CNTNAP5: variants seen among roughly 807,000 people sequenced by gnomAD.
The protein encoded by CNTNAP5 is contactin-associated protein-like 5.
In CNTNAP5, 72 loss-of-function variants were observed where a neutral mutation model predicts 150.2. The observed-to-expected ratio is 0.48, with a 90% confidence interval of 0.40 to 0.58. The LOEUF is 0.58. Ranked by LOEUF, CNTNAP5 falls within the 20% of genes least tolerant of loss-of-function variation. The pLI, the probability that CNTNAP5 is intolerant of heterozygous loss-of-function variation, is 0.00. For synonymous variants in CNTNAP5, 672 were observed against 619.8 expected (o/e 1.08, Z -1.25); for missense variants, 1,636 against 1,626.2 (o/e 1.01, Z -0.10).
intron 1 of CNTNAP5, among the ~76,000 whole-genome samples, chr2:124,184,267 G>T (rs1313247821): frequency 1.3e-5 from 2 of 152,184 alleles, no homozygotes; most frequent in African/African-American, 4.8e-5. Context: ...AAATACAAGT[G>T]AGAATTACTT....
At chr2:124,411,432 G>C (rs1229005496) in intron 3 of CNTNAP5, among the ~76,000 whole-genome samples, 2 of 151,814 alleles carry the variant, frequency 1.3e-5, no homozygotes, top group East Asian at 3.9e-4. Context: ...CCAAAAAAGA[G>C]AATTTTAGAC....
At chr2:124,616,991 A>T (rs187672094) in intron 12 of CNTNAP5, among the ~76,000 whole-genome samples, 8 of 152,284 alleles carry the variant, frequency 5.3e-5, no homozygotes, top group Admixed American at 5.2e-4. Flanking sequence ...TGTAATAATA[A>T]TAAACAATTT....
At chr2:124,285,654 T>A (rs1486130979) in intron 3 of CNTNAP5, among the ~76,000 whole-genome samples, 1 of 150,000 alleles carries the variant, frequency 6.7e-6, no homozygotes. Context: ...AAAAAAAAAA[T>A]TAGCCAGGTT....
At chr2:124,281,488 T>C (rs906658573) in intron 3 of CNTNAP5, among the ~76,000 whole-genome samples, 1 of 152,172 alleles carries the variant, frequency 6.6e-6, no homozygotes, top group Non-Finnish European at 1.5e-5. Flanking sequence ...CATAGACTTA[T>C]GAAAAACATT....
intron 11 of CNTNAP5, among the ~76,000 whole-genome samples, chr2:124,582,271 G>A (rs571692695): frequency 3.3e-5 from 5 of 152,072 alleles, no homozygotes; most frequent in Non-Finnish European, 7.4e-5. Flanking sequence ...CAGCCTCATC[G>A]GACAGTATTC....
At chr2:124,670,345 G>A (rs904261295) in intron 13 of CNTNAP5, among the ~76,000 whole-genome samples, 2 of 151,692 alleles carry the variant, frequency 1.3e-5, no homozygotes, top group African/African-American at 4.8e-5. Context: ...ATCTTTTCAT[G>A]TACTTGCTGG....
At chr2:124,544,952 A>G (rs904644344) in intron 10 of CNTNAP5, among the ~76,000 whole-genome samples, 6 of 152,220 alleles carry the variant, frequency 3.9e-5, no homozygotes, top group Non-Finnish European at 7.4e-5. Context: ...AGGGCTTATC[A>G]CTATTTGACT....
intron 7 of CNTNAP5, among the ~76,000 whole-genome samples, chr2:124,495,185 C>G (rs1694116390): frequency 6.6e-6 from 1 of 152,024 alleles, no homozygotes; most frequent in South Asian, 2.1e-4. Context: ...TATACATATA[C>G]CATAATTTAC....
chr2:124,211,132 T>C (rs1282508496), intron 1 of CNTNAP5, among the ~76,000 whole-genome samples: 1 of 152,180 alleles, frequency 6.6e-6, no homozygotes, highest in Admixed American at 6.5e-5. Context: ...CAGCTCTTGG[T>C]ACAGAATTAT....
chr2:124,760,551 A>G (rs1373809869), intron 14 of CNTNAP5, among the ~76,000 whole-genome samples: 2 of 152,050 alleles, frequency 1.3e-5, no homozygotes, highest in African/African-American at 4.8e-5. Flanking sequence ...ATTCTGTACC[A>G]TACCCTTGCT....
intron 13 of CNTNAP5, among the ~76,000 whole-genome samples, chr2:124,707,204 G>GAAGAAGAAGAAGAATAAT (rs1010621414): frequency 2.1e-5 from 3 of 142,614 alleles, no homozygotes; most frequent in Non-Finnish European, 4.6e-5. Context: ...AGAAGAAGAA[G>GAAGAAGAAGAAGAATAAT]AATAAACAAC....
intron 10 of CNTNAP5, among the ~76,000 whole-genome samples, chr2:124,545,589 C>T (rs1006210436): frequency 6.6e-6 from 1 of 152,074 alleles, no homozygotes; most frequent in Non-Finnish European, 1.5e-5. Context: ...TGTCAGTTTG[C>T]TTGCATGAGT....
intron 3 of CNTNAP5, among the ~76,000 whole-genome samples, chr2:124,264,746 G>A (rs116098755): frequency 1.3e-5 from 2 of 152,210 alleles, no homozygotes; most frequent in Non-Finnish European, 2.9e-5. Flanking sequence ...TTGCTCGCAT[G>A]CCAGAGGCAG....
chr2:124,032,897 TA>T (rs1350164022), intron 1 of CNTNAP5, among the ~76,000 whole-genome samples: 1 of 152,216 alleles, frequency 6.6e-6, no homozygotes, highest in Non-Finnish European at 1.5e-5. Flanking sequence ...TTCTAGTCTG[TA>T]AATTATGCTG....
chr2:124,328,022 T>A (rs1437381373), intron 3 of CNTNAP5, among the ~76,000 whole-genome samples: 1 of 152,172 alleles, frequency 6.6e-6, no homozygotes. Flanking sequence ...ATATAGAATG[T>A]GCTCAAAATT....
At chr2:124,827,454 G>A (rs1265917250) in intron 19 of CNTNAP5, among the ~76,000 whole-genome samples, 2 of 152,140 alleles carry the variant, frequency 1.3e-5, no homozygotes, top group Non-Finnish European at 2.9e-5. Context: ...AAAAAGTCAT[G>A]AGATCTTCTA....
At chr2:124,891,606 G>A (rs1268955422) in intron 21 of CNTNAP5, among the ~76,000 whole-genome samples, 1 of 152,080 alleles carries the variant, frequency 6.6e-6, no homozygotes, top group Non-Finnish European at 1.5e-5. Context: ...CTGGAAGTCT[G>A]ATTCCTTGGT....
chr2:124,772,539 T>C (rs1681226766), intron 16 of CNTNAP5, among the ~76,000 whole-genome samples: 1 of 152,132 alleles, frequency 6.6e-6, no homozygotes, highest in Admixed American at 6.6e-5. Context: ...CATGCAGGTA[T>C]ATCAGATGAG....
At chr2:124,646,745 G>A (rs1678209519) in intron 12 of CNTNAP5, among the ~76,000 whole-genome samples, 1 of 152,164 alleles carries the variant, frequency 6.6e-6, no homozygotes, top group Admixed American at 6.5e-5. Context: ...AGTGCTACCA[G>A]GGTATTGCTC....
Sources: gnomAD v4.1 joint callset for allele counts (sites outside exome capture counted in the v4.1 genomes callset) on GRCh38, gnomAD v4.1.1 for gene constraint, MANE v1.5 for transcripts, NCBI Gene and HGNC (gene_info 2026-07-23, HGNC 2026-07-21) for gene names.